The following PI4K2B variants were observed in gnomAD, a reference collection of about 807,000 sequenced individuals.
PI4K2B encodes phosphatidylinositol 4-kinase type 2-beta.
PI4K2B carries 46 observed loss-of-function variants against 56.6 expected under a neutral mutation model. The observed-to-expected ratio is 0.81, with a 90% CI of 0.64 to 1.04. The LOEUF is 1.04. Ranked by LOEUF, PI4K2B falls within the 50% of genes least tolerant of loss-of-function variation. The pLI, the probability that PI4K2B is intolerant of heterozygous loss-of-function variation, is 0.00. For synonymous variants in PI4K2B, 211 were observed against 223.8 expected, an observed-to-expected ratio of 0.94 and a Z score of 0.51; for missense variants, 556 against 607.7, an observed-to-expected ratio of 0.91 and a Z score of 0.89.
intron 1 of PI4K2B, among the ~76,000 whole-genome samples, chr4:25,240,012 C>T (rs1304486504): frequency 6.6e-6 from 1 of 152,166 alleles, no homozygotes; most frequent in Admixed American, 6.5e-5. Context: ...ATTTGTAAGA[C>T]CATTTGTAGC....
intron 1 of PI4K2B, among the ~76,000 whole-genome samples, chr4:25,244,660 AGT>A (rs1228082312): frequency 1.3e-5 from 2 of 152,222 alleles, no homozygotes; most frequent in East Asian, 3.9e-4. Context: ...TTGATGCCTG[AGT>A]GTTTCCCATC....
intron 9 of PI4K2B, among the ~76,000 whole-genome samples, chr4:25,269,637 CT>C (rs1193531425): frequency 3.5e-5 from 5 of 143,600 alleles, no homozygotes; most frequent in Non-Finnish European, 6.0e-5. Context: ...AAAACTCCAT[CT>C]CAAAAAAAAA....
intron 2 of PI4K2B, chr4:25,254,389 A>T (rs1313039745): frequency 1.1e-6 from 1 of 890,772 alleles, no homozygotes; most frequent in Admixed American, 6.2e-5. Flanking sequence ...GTGGTTTTGA[A>T]ACATTTAAAA....
rs541700180 is a variant in PI4K2B at position 25,273,839 on chromosome 4, G to A, written c.1273-3175G>A. Reference sequence around the variant, plus strand: ...TCAAGTCCAGGCTTTCAGCACAGTCGACAACACAGTCGGGCTCCAAACAGT... The same window carrying A: ...TCAAGTCCAGGCTTTCAGCACAGTCAACAACACAGTCGGGCTCCAAACAGT... On this transcript the variant is annotated intron_variant, in intron 9 of 9. Coordinates refer to ENST00000264864, the MANE Select transcript of PI4K2B (RefSeq NM_018323.4). Among the ~76,000 whole-genome samples the A allele has an allele frequency of 2.0e-5, 3 of 152,266 alleles. No homozygotes were observed. In the East Asian group the frequency reaches 5.8e-4, roughly 29 times the overall value.
At chr4:25,245,380 G>A (rs570875629) in intron 1 of PI4K2B, among the ~76,000 whole-genome samples, 1 of 152,310 alleles carries the variant, frequency 6.6e-6, no homozygotes, top group Non-Finnish European at 1.5e-5. Context: ...AGGATAGATA[G>A]GATAGATGGG....
rs1450351700 is a variant in PI4K2B, at chr4:25,276,866, A to G, written c.1273-148A>G. ...GTGTAAACATACATTCATATAATACATATTTATAACAGGTACTTATCTTCA... is the reference window on the plus strand; with the variant it reads ...GTGTAAACATACATTCATATAATACGTATTTATAACAGGTACTTATCTTCA... On this transcript the variant is annotated intron_variant, in intron 9 of 9. Coordinates refer to ENST00000264864, the MANE Select transcript of PI4K2B (RefSeq NM_018323.4). 5.2e-6 allele frequency: 7 copies of G among 1,337,462 alleles called. No homozygotes were observed. In the East Asian group the frequency reaches 1.8e-4, roughly 35 times the overall value. The allele number at this position is 1,337,462 out of a possible 1,614,324, so 82.8% of individuals were successfully genotyped here.
At chr4:25,255,042 A>C (rs921766272) in intron 2 of PI4K2B, 23 bp from the exon 3 acceptor site, 1 of 1,515,964 alleles carries the variant, frequency 6.6e-7, no homozygotes, top group Non-Finnish European at 9.1e-7. Flanking sequence ...AAGTCTAATA[A>C]GATTTTTACT....
chr4:25,234,992 A>G (rs1715191202), intron 1 of PI4K2B, among the ~76,000 whole-genome samples: 1 of 152,188 alleles, frequency 6.6e-6, no homozygotes, highest in Admixed American at 6.5e-5. Flanking sequence ...CTCTTTCTTG[A>G]TTTACTTCTA....
At chr4:25,257,148 C>T (rs1389291051) in intron 4 of PI4K2B, among the ~76,000 whole-genome samples, 2 of 151,646 alleles carry the variant, frequency 1.3e-5, no homozygotes, top group South Asian at 2.1e-4. Context: ...GCCTCGACCT[C>T]GTGGGCTCAG....
chr4:25,270,827 T>G (rs1325994062), intron 9 of PI4K2B, among the ~76,000 whole-genome samples: 1 of 152,228 alleles, frequency 6.6e-6, no homozygotes, highest in East Asian at 1.9e-4. Context: ...ACTGTAAACA[T>G]TGTCTTTTAG....
At chr4:25,264,132 T>C (rs1368003180) in intron 7 of PI4K2B, among the ~76,000 whole-genome samples, 1 of 152,184 alleles carries the variant, frequency 6.6e-6, no homozygotes. Flanking sequence ...ACATTGAAAT[T>C]ATTTTAATAT....
At chr4:25,268,892 G>A (rs1355845636) in intron 8 of PI4K2B, among the ~76,000 whole-genome samples, 1 of 152,152 alleles carries the variant, frequency 6.6e-6, no homozygotes, top group Non-Finnish European at 1.5e-5. Flanking sequence ...CTCTTAAAAA[G>A]CCTAAATTCA....
intron 1 of PI4K2B, among the ~76,000 whole-genome samples, chr4:25,243,168 C>T (rs7695868): frequency 0.095 from 14,503 of 152,072 alleles, 942 homozygotes; most frequent in African/African-American, 0.19. Context: ...TTAAACATAC[C>T]CAGGGCTCAG....
intron 1 of PI4K2B, among the ~76,000 whole-genome samples, chr4:25,244,014 G>A (rs998696019): frequency 6.6e-6 from 1 of 152,116 alleles, no homozygotes; most frequent in East Asian, 1.9e-4. Flanking sequence ...TCTCATTAAA[G>A]GCCAGGATTT....
chr4:25,258,213 C>CTT (rs545122643), intron 4 of PI4K2B, among the ~76,000 whole-genome samples: 3 of 119,014 alleles, frequency 2.5e-5, no homozygotes, highest in Non-Finnish European at 3.5e-5. Context: ...GGAATCTGTC[C>CTT]TTTTTTTTTT....
At chr4:25,252,894 T>G (rs1357284838) in intron 2 of PI4K2B, among the ~76,000 whole-genome samples, 2 of 152,346 alleles carry the variant, frequency 1.3e-5, no homozygotes, top group East Asian at 3.9e-4. Flanking sequence ...ATTACAGGTG[T>G]GAGCCACTGT....
chr4:25,256,085 C>CTT (rs1716253494), intron 3 of PI4K2B, among the ~76,000 whole-genome samples: 1 of 152,088 alleles, frequency 6.6e-6, no homozygotes, highest in South Asian at 2.1e-4. Context: ...ACCTAGCCAG[C>CTT]TTTTGTATTT....
Position 25,263,733 on chromosome 4 carries a change from A to G in PI4K2B, c.979-17A>G, listed in dbSNP as rs1716563995. 4 of 927,868 alleles carry G rather than the reference A, an allele frequency of 4.3e-6. No homozygotes were observed. The highest frequency in any genetic ancestry group is 5.2e-6 in the Non-Finnish European group (3 of 573,980). The allele number at this position is 927,868 out of a possible 1,614,324, so 57.5% of individuals were successfully genotyped here. ...ATATAGGTTCTTTTATCAACATATC[A>G]TTTTTCTACTCTATAGGAATCAAAA... On this transcript the variant is annotated splice_polypyrimidine_tract_variant and intron_variant, in intron 6 of 9. Transcript: ENST00000264864.
intron 1 of PI4K2B, among the ~76,000 whole-genome samples, chr4:25,242,109 G>C (rs997189927): frequency 6.6e-6 from 1 of 152,182 alleles, no homozygotes; most frequent in Admixed American, 6.5e-5. Context: ...CCTTGCTGAG[G>C]GCCCTGGTCC....
Sources: gnomAD v4.1 joint callset for allele counts (sites outside exome capture counted in the v4.1 genomes callset) on GRCh38, gnomAD v4.1.1 for gene constraint, MANE v1.5 for transcripts, NCBI Gene and HGNC (gene_info 2026-07-23, HGNC 2026-07-21) for gene names.